The following DSCAM variants were observed in gnomAD, a reference collection of about 807,000 sequenced individuals.
The protein encoded by DSCAM is cell adhesion molecule DSCAM.
Under a neutral mutation model 217.7 loss-of-function variants are expected in DSCAM, and 47 were observed. The observed-to-expected ratio is 0.22, with a 90% CI of 0.17 to 0.28. The LOEUF is 0.28. DSCAM is among the 10% of genes least tolerant of loss of function. The pLI, the probability that DSCAM is intolerant of heterozygous loss-of-function variation, is 1.00. For missense variants in DSCAM, 2,080 were observed against 2,618.3 expected (o/e 0.79, Z 4.49); for synonymous variants, 1,056 against 1,015.3 (o/e 1.04, Z -0.76).
chr21:40,432,784 T>C (rs2075546883), intron 3 of DSCAM, among the ~76,000 whole-genome samples: 1 of 152,120 alleles, frequency 6.6e-6, no homozygotes, highest in Non-Finnish European at 1.5e-5. Flanking sequence ...TTATATGGCT[T>C]AGGTGAGATA....
intron 4 of DSCAM, 80 bp downstream of exon 4, chr21:40,369,019 C>A (rs959981715): frequency 7.7e-5 from 109 of 1,412,588 alleles, no homozygotes; most frequent in Non-Finnish European, 1.0e-4. Context: ...TGGCAACACT[C>A]CACAATTTTG....
chr21:40,017,645 C>CG (rs1555859823), intron 32 of DSCAM, among the ~76,000 whole-genome samples: 1 of 151,904 alleles, frequency 6.6e-6, no homozygotes, highest in Non-Finnish European at 1.5e-5. Context: ...CTCCACCTCC[C>CG]GGTTCAAGCG....
intron 3 of DSCAM, among the ~76,000 whole-genome samples, chr21:40,429,010 A>T (rs150158406): frequency 6.6e-6 from 1 of 151,454 alleles, no homozygotes; most frequent in Admixed American, 6.6e-5. Context: ...TACTGAGTAC[A>T]TACTGTATAG....
chr21:40,040,241 T>A (rs1049907746), intron 32 of DSCAM, among the ~76,000 whole-genome samples: 2 of 152,208 alleles, frequency 1.3e-5, no homozygotes, highest in Non-Finnish European at 2.9e-5. Context: ...TATAAAATCA[T>A]TTTACTCTGA....
chr21:40,387,829 C>T (rs1228063873), intron 3 of DSCAM, among the ~76,000 whole-genome samples: 1 of 152,002 alleles, frequency 6.6e-6, no homozygotes, highest in Non-Finnish European at 1.5e-5. Context: ...ATAAAAGATA[C>T]AAATATTAGA....
At chr21:40,607,431 T>G (rs187992351) in intron 3 of DSCAM, among the ~76,000 whole-genome samples, 51 of 149,946 alleles carry the variant, frequency 3.4e-4, no homozygotes, top group Admixed American at 9.9e-4. Flanking sequence ...AGGAAATAAA[T>G]TCCATCTTTT....
intron 4 of DSCAM, among the ~76,000 whole-genome samples, chr21:40,364,439 A>T (rs564416494): frequency 6.6e-6 from 1 of 151,492 alleles, no homozygotes; most frequent in East Asian, 2.0e-4. Context: ...CAAAAAACCA[A>T]ACACCGCATG....
intron 1 of DSCAM, among the ~76,000 whole-genome samples, chr21:40,834,421 T>TAAA (rs2092039174): frequency 9.1e-6 from 1 of 110,310 alleles, no homozygotes; most frequent in African/African-American, 3.5e-5. Context: ...ATAATAATAA[T>TAAA]AATAAAATAA....
At chr21:40,042,251 A>G (rs997380697) in intron 32 of DSCAM, 120 bp downstream of exon 32, 8 of 1,013,278 alleles carry the variant, frequency 7.9e-6, no homozygotes, top group Admixed American at 2.7e-5. Flanking sequence ...TTATGCAGCC[A>G]TCCATAAACA....
chr21:40,251,322 C>T (rs553132430), intron 11 of DSCAM, among the ~76,000 whole-genome samples: 2 of 152,134 alleles, frequency 1.3e-5, no homozygotes, highest in East Asian at 1.9e-4. Flanking sequence ...TTTCTAGTTA[C>T]AGAAAAATGC....
chr21:40,471,967 C>T (rs917358098), intron 3 of DSCAM, among the ~76,000 whole-genome samples: 2 of 152,066 alleles, frequency 1.3e-5, no homozygotes, highest in African/African-American at 4.8e-5. Flanking sequence ...CAACAGGCCC[C>T]GGTGTGTGAT....
intron 3 of DSCAM, among the ~76,000 whole-genome samples, chr21:40,561,967 C>G (rs191703710): frequency 2.0e-5 from 3 of 152,312 alleles, no homozygotes; most frequent in Admixed American, 1.3e-4. Context: ...AAAGTGACTT[C>G]GGTGACATTT....
intron 3 of DSCAM, among the ~76,000 whole-genome samples, chr21:40,479,078 G>C (rs899064668): frequency 6.6e-6 from 1 of 152,166 alleles, no homozygotes; most frequent in South Asian, 2.1e-4. Flanking sequence ...AAGAACAGAA[G>C]CCCACCTATG....
intron 3 of DSCAM, among the ~76,000 whole-genome samples, chr21:40,435,173 G>A (rs1372388644): frequency 1.3e-5 from 2 of 152,346 alleles, no homozygotes; most frequent in South Asian, 2.1e-4. Flanking sequence ...GTGAGGTGGC[G>A]TGGCACACCA....
intron 1 of DSCAM, among the ~76,000 whole-genome samples, chr21:40,721,239 CAAT>C (rs1373457698): frequency 3.9e-5 from 6 of 151,948 alleles, no homozygotes; most frequent in Non-Finnish European, 5.9e-5. Flanking sequence ...AACAATCAAT[CAAT>C]AATATAAAAT....
intron 15 of DSCAM, among the ~76,000 whole-genome samples, chr21:40,173,898 T>C (rs1326419799): frequency 1.3e-5 from 2 of 152,208 alleles, no homozygotes; most frequent in East Asian, 1.9e-4. Context: ...GAGCACCCAC[T>C]AATTGAAGCT....
At chr21:40,459,093 A>C (rs4818134) in intron 3 of DSCAM, among the ~76,000 whole-genome samples, 50,975 of 151,908 alleles carry the variant, frequency 0.34, 9,249 homozygotes, top group African/African-American at 0.46. Context: ...ATAAAATACG[A>C]ACAAAAAAGC....
intron 3 of DSCAM, among the ~76,000 whole-genome samples, chr21:40,629,847 T>C (rs1450013744): frequency 2.0e-5 from 3 of 152,206 alleles, no homozygotes; most frequent in African/African-American, 4.8e-5. Context: ...TCATATTTAC[T>C]ATTGGAGACC....
At chr21:40,384,159 G>GC (rs2075057432) in intron 3 of DSCAM, 1 of 152,354 alleles carries the variant, frequency 6.6e-6, no homozygotes, top group African/African-American at 2.4e-5. Flanking sequence ...GTTCAGGGAG[G>GC]CCCACAGGTT....
Sources: allele counts gnomAD v4.1 joint callset (sites outside exome capture counted in the v4.1 genomes callset), GRCh38; gene constraint gnomAD v4.1.1; transcripts MANE v1.5; gene names NCBI Gene and HGNC (gene_info 2026-07-23, HGNC 2026-07-21).